KCNN3: variants seen among roughly 807,000 people sequenced by gnomAD.
The protein encoded by KCNN3 is potassium calcium-activated channel subfamily N member 3, also known as small conductance calcium-activated potassium channel protein 3.
In KCNN3, 16 loss-of-function variants were observed where a neutral mutation model predicts 62.9. The ratio of observed to expected loss-of-function variants is 0.25; its 90% CI spans 0.17 to 0.39. KCNN3 has a LOEUF of 0.39. KCNN3 is among the 10% of genes least tolerant of loss of function. The pLI is 1.00. For synonymous variants in KCNN3, 370 were observed against 389.2 expected (o/e 0.95, Z 0.58); for missense variants, 599 against 949.4 (o/e 0.63, Z 4.85).
At chr1:154,798,657 ACACATCACAAG>A (rs1649833680) in intron 2 of KCNN3, among the ~76,000 whole-genome samples, 1 of 152,216 alleles carries the variant, frequency 6.6e-6, no homozygotes, top group Non-Finnish European at 1.5e-5. Flanking sequence ...ACAGTGACAA[ACACATCACAAG>A]CATTCTCTGG....
At chr1:154,830,698 C>A (rs1399528395) in intron 1 of KCNN3, among the ~76,000 whole-genome samples, 1 of 152,182 alleles carries the variant, frequency 6.6e-6, no homozygotes, top group Non-Finnish European at 1.5e-5. Flanking sequence ...GTCTGAGGGA[C>A]ATCATGCAGT....
chr1:154,860,484 G>A (rs1225256509), intron 1 of KCNN3, among the ~76,000 whole-genome samples: 2 of 152,202 alleles, frequency 1.3e-5, no homozygotes, highest in African/African-American at 2.4e-5. Context: ...TGCTAACTGA[G>A]TGTAGAATAA....
At chr1:154,754,580 T>A (rs560986924) in intron 3 of KCNN3, among the ~76,000 whole-genome samples, 3 of 152,320 alleles carry the variant, frequency 2.0e-5, no homozygotes, top group Admixed American at 2.0e-4. Context: ...AGAAACAACC[T>A]TATTTTGTCC....
intron 1 of KCNN3, among the ~76,000 whole-genome samples, chr1:154,853,146 T>C (rs982887214): frequency 1.3e-5 from 2 of 150,996 alleles, no homozygotes; most frequent in African/African-American, 2.4e-5. Context: ...CACACCAATG[T>C]ACTCAGCTTT....
At chr1:154,868,007 CTGAGAGGCTGGAGCAGT>C (rs1653019796) in intron 1 of KCNN3, 1 of 985,312 alleles carries the variant, frequency 1.0e-6, no homozygotes, top group African/African-American at 1.7e-5. Flanking sequence ...TGGGGCTGGA[CTGAGAGGCTGGAGCAGT>C]GGGGCCAGCT....
chr1:154,808,153 C>T (rs945277472), intron 2 of KCNN3, among the ~76,000 whole-genome samples: 3 of 152,190 alleles, frequency 2.0e-5, no homozygotes, highest in Non-Finnish European at 2.9e-5. Context: ...GCCATCAGAT[C>T]GCCATCCCCC....
intron 3 of KCNN3, among the ~76,000 whole-genome samples, chr1:154,757,576 A>G (rs774740945): frequency 1.6e-4 from 24 of 152,240 alleles, no homozygotes; most frequent in Non-Finnish European, 3.2e-4. Flanking sequence ...CCTAATTCCC[A>G]GGCCATTATG....
At chr1:154,833,770 C>T (rs1330702125) in intron 1 of KCNN3, among the ~76,000 whole-genome samples, 3 of 152,184 alleles carry the variant, frequency 2.0e-5, no homozygotes, top group East Asian at 3.8e-4. Flanking sequence ...CTCTCTCCAC[C>T]CCTCTGCAGC....
intron 1 of KCNN3, among the ~76,000 whole-genome samples, chr1:154,857,673 C>T (rs1285331647): frequency 6.6e-6 from 1 of 152,202 alleles, no homozygotes; most frequent in African/African-American, 2.4e-5. Context: ...CAAACTCCAC[C>T]ACCTCCCAGC....
At chr1:154,713,590 C>T (rs1700122490) in intron 6 of KCNN3, 57 bp from the exon 7 acceptor site, 6 of 1,413,394 alleles carry the variant, frequency 4.2e-6, no homozygotes, top group African/African-American at 1.4e-5. Context: ...GGTTTAGCCC[C>T]ACCAGCAGAT....
At chr1:154,722,620 C>T (rs1413610167) in intron 5 of KCNN3, among the ~76,000 whole-genome samples, 1 of 152,060 alleles carries the variant, frequency 6.6e-6, no homozygotes, top group Non-Finnish European at 1.5e-5. Context: ...TCTCAATCTC[C>T]TGACCTCCTG....
intron 3 of KCNN3, among the ~76,000 whole-genome samples, chr1:154,746,828 C>A (rs1272668549): frequency 6.6e-6 from 1 of 152,218 alleles, no homozygotes; most frequent in African/African-American, 2.4e-5. Context: ...GCATTTTGCA[C>A]CCACTGGGTG....
intron 3 of KCNN3, among the ~76,000 whole-genome samples, chr1:154,743,138 C>T (rs1190113592): frequency 6.6e-6 from 1 of 151,084 alleles, no homozygotes; most frequent in Non-Finnish European, 1.5e-5. Context: ...CAGCCCCACC[C>T]TCTCACCTGG....
chr1:154,722,691 C>G (rs1356425711), intron 5 of KCNN3, among the ~76,000 whole-genome samples: 1 of 144,644 alleles, frequency 6.9e-6, no homozygotes, highest in East Asian at 2.1e-4. Context: ...CGCGCCCGGC[C>G]AAGAGCTTCT....
At position 154,703,439 on chromosome 1, in the gene KCNN3, A is replaced by T. The variant is rs1699906271; in HGVS notation, c.*4537T>A. The T allele has an allele frequency of 6.6e-6, 1 of 152,188 alleles. No homozygotes were observed. The highest frequency in any genetic ancestry group is 2.1e-4 in the South Asian group (1 of 4,824). 9.4% of individuals were successfully genotyped at this position (152,188 alleles called of 1,614,324 possible). A position where few individuals can be genotyped will look rare whatever the true frequency, so the allele number is the denominator to read the frequency against. ...AAGGTACTGAAATCAAACCCTGCAG[A>T]GTCAATAGGGATCCTTCATCTGCTT... On this transcript the variant is annotated 3_prime_UTR_variant, in exon 8 of 8. Transcript: ENST00000271915.
intron 2 of KCNN3, among the ~76,000 whole-genome samples, chr1:154,818,958 G>T (rs1004874915): frequency 1.3e-5 from 2 of 152,204 alleles, no homozygotes; most frequent in African/African-American, 4.8e-5. Flanking sequence ...ATGATCATCT[G>T]GTCCCTGCTA....
chr1:154,807,306 C>T (rs1260618268), intron 2 of KCNN3, among the ~76,000 whole-genome samples: 1 of 152,176 alleles, frequency 6.6e-6, no homozygotes, highest in East Asian at 1.9e-4. Context: ...GAGCCCGTAA[C>T]CCAACAGCAG....
chr1:154,771,581 C>T (rs1648560819), intron 3 of KCNN3, among the ~76,000 whole-genome samples: 1 of 152,072 alleles, frequency 6.6e-6, no homozygotes, highest in South Asian at 2.1e-4. Flanking sequence ...AAAGGCTGAA[C>T]CAAACAAAAA....
chr1:154,752,063 G>A (rs1355519655), intron 3 of KCNN3, among the ~76,000 whole-genome samples: 4 of 152,288 alleles, frequency 2.6e-5, no homozygotes, highest in African/African-American at 7.2e-5. Context: ...AAAGTCCTCC[G>A]GGTGTTAAGT....
Sources: gnomAD v4.1 joint callset for allele counts (sites outside exome capture counted in the v4.1 genomes callset) on GRCh38, gnomAD v4.1.1 for gene constraint, MANE v1.5 for transcripts, NCBI Gene and HGNC (gene_info 2026-07-23, HGNC 2026-07-21) for gene names.